The following ADAMTSL1 variants were observed in gnomAD, a reference collection of about 807,000 sequenced individuals.
ADAMTSL1 encodes ADAMTS-like protein 1.
A neutral mutation model predicts 201.8 loss-of-function variants in ADAMTSL1; 126 were observed. That is an observed-to-expected ratio of 0.62 (90% CI 0.54 to 0.72). The LOEUF (loss-of-function observed/expected upper bound fraction) is 0.72. ADAMTSL1 is among the 30% of genes least tolerant of loss of function. The pLI, the probability that ADAMTSL1 is intolerant of heterozygous loss-of-function variation, is 0.00. For missense variants in ADAMTSL1, 2,679 were observed against 2,277.8 expected, an observed-to-expected ratio of 1.18 and a Z score of -3.59; for synonymous variants, 1,121 against 903.4, an observed-to-expected ratio of 1.24 and a Z score of -4.32.
At chr9:17,986,014 C>A (rs1303659340) in intron 1 of ADAMTSL1, among the ~76,000 whole-genome samples, 2 of 152,150 alleles carry the variant, frequency 1.3e-5, no homozygotes, top group Middle Eastern at 6.8e-3. Context: ...TATTTATCAG[C>A]CTGAAATTCT....
At chr9:18,199,463 T>G (rs1829338694) in intron 2 of ADAMTSL1, among the ~76,000 whole-genome samples, 1 of 152,074 alleles carries the variant, frequency 6.6e-6, no homozygotes, top group Admixed American at 6.6e-5. Context: ...TCAGAAGTGT[T>G]AGCATTTTCA....
chr9:18,813,995 G>A (rs560314072), intron 20 of ADAMTSL1, among the ~76,000 whole-genome samples: 2 of 152,180 alleles, frequency 1.3e-5, no homozygotes, highest in African/African-American at 4.8e-5. Flanking sequence ...AACCTAATTT[G>A]TTATGAGTTT....
chr9:18,272,294 A>G (rs4961459), intron 2 of ADAMTSL1, among the ~76,000 whole-genome samples: 91,870 of 151,874 alleles, frequency 0.6, 28,323 homozygotes, highest in South Asian at 0.75. Flanking sequence ...GCCCTCAGAA[A>G]TAATACTACA....
chr9:18,711,761 T>G (rs1321068050), intron 14 of ADAMTSL1, among the ~76,000 whole-genome samples: 3 of 152,124 alleles, frequency 2.0e-5, no homozygotes, highest in African/African-American at 7.2e-5. Flanking sequence ...CAAGGAGGCC[T>G]GCCTGCCTCT....
chr9:18,650,152 G>A (rs1480865202), intron 7 of ADAMTSL1, among the ~76,000 whole-genome samples: 1 of 152,170 alleles, frequency 6.6e-6, no homozygotes, highest in Non-Finnish European at 1.5e-5. Context: ...TGACTGCTTT[G>A]CTAGCAATCA....
intron 2 of ADAMTSL1, among the ~76,000 whole-genome samples, chr9:18,454,906 A>G (rs544058009): frequency 1.3e-4 from 20 of 152,340 alleles, no homozygotes; most frequent in African/African-American, 4.3e-4. Flanking sequence ...TAAACTATGT[A>G]TATTCTATTA....
intron 23 of ADAMTSL1, among the ~76,000 whole-genome samples, chr9:18,879,067 A>G (rs1828359514): frequency 6.6e-6 from 1 of 152,196 alleles, no homozygotes; most frequent in African/African-American, 2.4e-5. Flanking sequence ...CCATGACCCC[A>G]TCATTGGCTT....
chr9:18,457,339 T>C (rs938916726), intron 2 of ADAMTSL1, among the ~76,000 whole-genome samples: 1 of 140,668 alleles, frequency 7.1e-6, no homozygotes, highest in Admixed American at 6.8e-5. Flanking sequence ...ATTTCTTTCT[T>C]TTTTTGTTTT....
intron 15 of ADAMTSL1, among the ~76,000 whole-genome samples, chr9:18,748,326 C>T (rs1431489234): frequency 6.6e-6 from 1 of 152,186 alleles, no homozygotes; most frequent in Non-Finnish European, 1.5e-5. Flanking sequence ...TAGCCAAAAC[C>T]ACTGGGGCAG....
chr9:18,048,023 G>A (rs1821750098), intron 1 of ADAMTSL1, among the ~76,000 whole-genome samples: 1 of 152,152 alleles, frequency 6.6e-6, no homozygotes, highest in Admixed American at 6.5e-5. Flanking sequence ...ACACTTAACT[G>A]TCAGAATTGC....
chr9:18,025,049 G>T (rs1820635555), intron 1 of ADAMTSL1, among the ~76,000 whole-genome samples: 1 of 151,684 alleles, frequency 6.6e-6, no homozygotes, highest in Non-Finnish European at 1.5e-5. Flanking sequence ...TATTTTTTTG[G>T]CCACCTGTAT....
chr9:18,622,136 A>T (rs1385885412), intron 4 of ADAMTSL1, 107 bp from the exon 5 acceptor site: 9 of 1,403,514 alleles, frequency 6.4e-6, no homozygotes, highest in Non-Finnish European at 8.7e-6. Context: ...GGTATGTTTT[A>T]GGCCCCTCAG....
chr9:18,273,921 T>C (rs1832483843), intron 2 of ADAMTSL1, among the ~76,000 whole-genome samples: 1 of 152,232 alleles, frequency 6.6e-6, no homozygotes, highest in African/African-American at 2.4e-5. Flanking sequence ...AGAGATTTTT[T>C]TATGCATTAA....
chr9:18,890,865 T>C, intron 25 of ADAMTSL1: 1 of 291,934 alleles, frequency 3.4e-6, no homozygotes, highest in Non-Finnish European at 6.7e-6. Context: ...AGAAGAGATC[T>C]TTGATGTGCC....
chr9:18,478,284 G>C (rs1051923209), intron 1 of ADAMTSL1, among the ~76,000 whole-genome samples: 3 of 152,082 alleles, frequency 2.0e-5, no homozygotes, highest in African/African-American at 7.2e-5. Context: ...TTTTGCTTGG[G>C]GATTATATTA....
Position 18,346,254 on chromosome 9 carries a change from A to G in ADAMTSL1, c.208-158575A>G, listed in dbSNP as rs978478128. 3.9e-5 allele frequency among the ~76,000 whole-genome samples: 6 copies of G among 152,110 alleles called. No homozygotes were observed. The South Asian group carries it at 1.0e-3, about 26-fold the overall frequency. ...AATTTGTCATCACTTTTGCCTATTA[A>G]TGTTCCTAGACACTGCATATAGCCA... On this transcript the variant is annotated intron_variant, in intron 2 of 29. Coordinates refer to the ADAMTSL1 transcript ENST00000680146.
At chr9:18,879,867 A>G (rs1828418233) in intron 23 of ADAMTSL1, among the ~76,000 whole-genome samples, 1 of 152,166 alleles carries the variant, frequency 6.6e-6, no homozygotes, top group Admixed American at 6.5e-5. Context: ...TCACAGTTGA[A>G]CTTCTTTCAA....
chr9:18,007,207 A>T (rs1819863973), intron 1 of ADAMTSL1, among the ~76,000 whole-genome samples: 1 of 152,018 alleles, frequency 6.6e-6, no homozygotes, highest in African/African-American at 2.4e-5. Context: ...TTTTCCATAC[A>T]AATTGCAGTA....
At chr9:18,850,914 A>G (rs1826452847) in intron 23 of ADAMTSL1, among the ~76,000 whole-genome samples, 2 of 152,254 alleles carry the variant, frequency 1.3e-5, no homozygotes, top group Non-Finnish European at 2.9e-5. Context: ...CACAGAACTA[A>G]TTATAGTAAG....
Sources: gnomAD v4.1 joint callset for allele counts (sites outside exome capture counted in the v4.1 genomes callset) on GRCh38, gnomAD v4.1.1 for gene constraint, MANE v1.5 for transcripts, NCBI Gene and HGNC (gene_info 2026-07-23, HGNC 2026-07-21) for gene names.